Variants in KCNC2 observed in about 807,000 individuals in gnomAD.
KCNC2 encodes potassium voltage-gated channel subfamily C member 2.
KCNC2 carries 21 observed loss-of-function variants against 44.5 expected under a neutral mutation model. The observed-to-expected ratio is 0.47, with a 90% CI of 0.33 to 0.68. The LOEUF (loss-of-function observed/expected upper bound fraction) is 0.68. KCNC2 is among the 30% of genes least tolerant of loss of function. The pLI is 0.01. For synonymous variants in KCNC2, 391 were observed against 339.1 expected, an observed-to-expected ratio of 1.15 and a Z score of -1.68; for missense variants, 589 against 826.2, an observed-to-expected ratio of 0.71 and a Z score of 3.52.
chr12:75,041,680 T>C lies in KCNC2; in HGVS notation c.*1425A>G. On this transcript the variant is annotated 3_prime_UTR_variant, in exon 5 of 5. Coordinates refer to ENST00000549446, the MANE Select transcript of KCNC2 (RefSeq NM_139137.4). Reference sequence around the variant, plus strand: ...GATTTTGTTGGAGTGTAGTAATGAATGCTGGTTGCTAGGTAGTAGAAACTG... The same window carrying C: ...GATTTTGTTGGAGTGTAGTAATGAACGCTGGTTGCTAGGTAGTAGAAACTG... The C allele has an allele frequency of 2.0e-6, 2 of 1,001,384 alleles. No individual in the cohort carries two copies. Among genetic ancestry groups the C allele is most frequent in the Non-Finnish European group, 2.4e-6 (2 of 838,628 alleles). 62.0% of individuals were successfully genotyped at this position (1,001,384 alleles called of 1,614,324 possible).
At chr12:75,119,097 A>G (rs1565870269) in intron 2 of KCNC2, among the ~76,000 whole-genome samples, 1 of 152,206 alleles carries the variant, frequency 6.6e-6, no homozygotes, top group South Asian at 2.1e-4. Context: ...TTGAAATGGT[A>G]CATGGAATGT....
At chr12:75,134,252 T>C (rs1889067507) in intron 2 of KCNC2, among the ~76,000 whole-genome samples, 1 of 151,940 alleles carries the variant, frequency 6.6e-6, no homozygotes, top group African/African-American at 2.4e-5. Flanking sequence ...TAAAGCATAG[T>C]GAACTGCCTA....
At chr12:75,059,293 GT>G (rs1882066190) in intron 2 of KCNC2, among the ~76,000 whole-genome samples, 1 of 152,100 alleles carries the variant, frequency 6.6e-6, no homozygotes, top group Non-Finnish European at 1.5e-5. Context: ...GGGACTCCTA[GT>G]AGCCATGAGG....
intron 2 of KCNC2, among the ~76,000 whole-genome samples, chr12:75,189,461 TG>T (rs1230958364): frequency 6.6e-6 from 1 of 152,182 alleles, no homozygotes; most frequent in African/African-American, 2.4e-5. Flanking sequence ...TAGAAGCCTT[TG>T]GGGTCTAGCT....
At chr12:75,116,348 T>G (rs1005574532) in intron 2 of KCNC2, among the ~76,000 whole-genome samples, 1 of 152,112 alleles carries the variant, frequency 6.6e-6, no homozygotes, top group African/African-American at 2.4e-5. Context: ...CTTAGTGATA[T>G]TGTTGGAATT....
At chr12:75,151,511 A>G (rs942907840) in intron 2 of KCNC2, among the ~76,000 whole-genome samples, 6 of 151,996 alleles carry the variant, frequency 3.9e-5, no homozygotes, top group African/African-American at 1.4e-4. Flanking sequence ...AGAGAAATGA[A>G]TAGCTCACAG....
At chr12:75,068,586 C>T (rs936824357) in intron 2 of KCNC2, among the ~76,000 whole-genome samples, 4 of 151,850 alleles carry the variant, frequency 2.6e-5, no homozygotes, top group African/African-American at 9.7e-5. Context: ...TGTCTTATTC[C>T]TATAGGAATT....
At chr12:75,187,750 C>T (rs538931628) in intron 2 of KCNC2, among the ~76,000 whole-genome samples, 6 of 152,120 alleles carry the variant, frequency 3.9e-5, no homozygotes, top group African/African-American at 1.2e-4. Flanking sequence ...TATAATAACC[C>T]GACGACTATA....
At chr12:75,128,685 G>T (rs1888616872) in intron 2 of KCNC2, among the ~76,000 whole-genome samples, 1 of 151,978 alleles carries the variant, frequency 6.6e-6, no homozygotes, top group East Asian at 1.9e-4. Flanking sequence ...CTTCAGAATG[G>T]TTTTCACTGC....
chr12:75,110,265 C>T (rs940127696), intron 2 of KCNC2, among the ~76,000 whole-genome samples: 2 of 152,026 alleles, frequency 1.3e-5, no homozygotes, highest in Non-Finnish European at 2.9e-5. Context: ...TTCTGAATTC[C>T]TTAAATGAGG....
chr12:75,115,106 A>C (rs971037846), intron 2 of KCNC2, among the ~76,000 whole-genome samples: 2 of 151,572 alleles, frequency 1.3e-5, no homozygotes, highest in Admixed American at 6.6e-5. Context: ...CTCGTGATCC[A>C]CCCGCCTGGG....
chr12:75,093,532 T>G (rs1463503977), intron 2 of KCNC2, among the ~76,000 whole-genome samples: 1 of 151,654 alleles, frequency 6.6e-6, no homozygotes, highest in Non-Finnish European at 1.5e-5. Flanking sequence ...TACAGCTTAT[T>G]CATAAATGAA....
chr12:75,052,920 A>G (rs1408148990), intron 2 of KCNC2, among the ~76,000 whole-genome samples: 1 of 152,280 alleles, frequency 6.6e-6, no homozygotes. Context: ...TTGCTCTTTC[A>G]TGCACATTTT....
chr12:75,103,231 A>T (rs1334658768), intron 2 of KCNC2, among the ~76,000 whole-genome samples: 1 of 152,230 alleles, frequency 6.6e-6, no homozygotes, highest in African/African-American at 2.4e-5. Context: ...CATGATTCAG[A>T]CTATATGCGT....
intron 2 of KCNC2, among the ~76,000 whole-genome samples, chr12:75,055,179 G>A (rs746344467): frequency 6.6e-6 from 1 of 152,004 alleles, no homozygotes; most frequent in Non-Finnish European, 1.5e-5. Flanking sequence ...TTACTACTGA[G>A]TATGGCAGGA....
At chr12:75,122,067 C>G (rs757855371) in intron 2 of KCNC2, among the ~76,000 whole-genome samples, 1 of 152,094 alleles carries the variant, frequency 6.6e-6, no homozygotes, top group African/African-American at 2.4e-5. Flanking sequence ...AAGAATGGAA[C>G]AAGGAAAGAG....
chr12:75,194,113 A>T (rs1458626), intron 2 of KCNC2, among the ~76,000 whole-genome samples: 21,856 of 152,126 alleles, frequency 0.14, 1,998 homozygotes, highest in Admixed American at 0.26. Flanking sequence ...TGGAAAAATT[A>T]GGGTACTGGG....
intron 2 of KCNC2, among the ~76,000 whole-genome samples, chr12:75,067,873 A>G (rs1882992613): frequency 6.6e-6 from 1 of 151,884 alleles, no homozygotes; most frequent in Non-Finnish European, 1.5e-5. Flanking sequence ...ATGAACTCTT[A>G]GGGCAAAAAA....
chr12:75,135,800 T>G (rs1415420052), intron 2 of KCNC2, among the ~76,000 whole-genome samples: 1 of 152,014 alleles, frequency 6.6e-6, no homozygotes, highest in Non-Finnish European at 1.5e-5. Context: ...ATAATACAGT[T>G]TCATTATAAG....
Sources: gnomAD v4.1 joint callset for allele counts (sites outside exome capture counted in the v4.1 genomes callset) on GRCh38, gnomAD v4.1.1 for gene constraint, MANE v1.5 for transcripts, NCBI Gene and HGNC (gene_info 2026-07-23, HGNC 2026-07-21) for gene names.